Variants in XKRX observed in about 807,000 individuals in gnomAD.
The protein encoded by XKRX is XK related X-linked.
In XKRX, 11 loss-of-function variants were observed where a neutral mutation model predicts 22.4. That is an observed-to-expected ratio of 0.49 (90% CI 0.31 to 0.81). XKRX has a LOEUF of 0.81. Ranked by LOEUF, XKRX falls within the 40% of genes least tolerant of loss-of-function variation. The pLI is 0.05. For missense variants in XKRX, 320 were observed against 336.5 expected, an observed-to-expected ratio of 0.95 and a Z score of 0.38; for synonymous variants, 114 against 132.2, an observed-to-expected ratio of 0.86 and a Z score of 0.94.
downstream of XKRX, among the ~76,000 whole-genome samples, chrX:100,909,159 A>G (rs1320695183): frequency 8.9e-6 from 1 of 111,863 alleles, no homozygotes; most frequent in Non-Finnish European, 1.9e-5. Flanking sequence ...AGCATACAGG[A>G]GTTAATGTCC....
the XKRX span, among the ~76,000 whole-genome samples, chrX:100,890,659 C>T: frequency 9.0e-6 from 1 of 110,557 alleles, no homozygotes; most frequent in East Asian, 2.8e-4. Context: ...TTACAAATTA[C>T]CCCCAACATG....
intron 2 of XKRX, among the ~76,000 whole-genome samples, chrX:100,915,949 C>T (rs1437156799): frequency 9.1e-6 from 1 of 110,389 alleles, no homozygotes; most frequent in Non-Finnish European, 1.9e-5. Context: ...GGATTTTGAT[C>T]AAAGGCTACA....
At chrX:100,938,718 C>A in the XKRX span, among the ~76,000 whole-genome samples, 3 of 111,941 alleles carry the variant, frequency 2.7e-5, no homozygotes, top group Admixed American at 1.9e-4. Flanking sequence ...TCTCTAAGAT[C>A]TCTTCTAGCT....
chrX:100,909,902 C>CAAAAAAAAA, downstream of XKRX, among the ~76,000 whole-genome samples: 1 of 34,550 alleles, frequency 2.9e-5, no homozygotes, highest in Non-Finnish European at 5.5e-5. Context: ...GACTCCATCT[C>CAAAAAAAAA]AAAAAAAAAA....
At chrX:100,944,723 G>A in the XKRX span, among the ~76,000 whole-genome samples, 4 of 112,070 alleles carry the variant, frequency 3.6e-5, no homozygotes, top group Non-Finnish European at 7.5e-5. Context: ...CATGAATTTG[G>A]GAATTTCTAA....
chrX:100,896,422 T>C, the XKRX span, among the ~76,000 whole-genome samples: 34 of 112,098 alleles, frequency 3.0e-4, no homozygotes, highest in African/African-American at 8.4e-4. Context: ...ATGTATGAAG[T>C]GAAAAAAATC....
At chrX:100,907,626 A>G in the XKRX span, among the ~76,000 whole-genome samples, 1 of 111,917 alleles carries the variant, frequency 8.9e-6, no homozygotes, top group African/African-American at 3.2e-5. Flanking sequence ...AATTTAAGTT[A>G]CCAGTTTTTC....
At chrX:100,897,452 G>T in the XKRX span, among the ~76,000 whole-genome samples, 1 of 107,304 alleles carries the variant, frequency 9.3e-6, no homozygotes, top group South Asian at 4.2e-4. Context: ...GGGTATAGTA[G>T]CATATGCCTG....
upstream of XKRX, chrX:100,929,466 T>G (rs2147945329): frequency 9.0e-6 from 1 of 111,291 alleles, no homozygotes; most frequent in East Asian, 2.8e-4. Context: ...CCCCCACTTC[T>G]ACCCCGCCCT....
At chrX:100,930,325 A>G (rs6620956), upstream of XKRX, among the ~76,000 whole-genome samples, 40,816 of 102,867 alleles carry the variant, frequency 0.4, 6,177 homozygotes, top group East Asian at 0.66. Flanking sequence ...TAATAATAAT[A>G]ATGATGATTA....
chrX:100,928,922 G>A, upstream of XKRX: 3 of 676,514 alleles, frequency 4.4e-6, no homozygotes, highest in Non-Finnish European at 5.3e-6. Flanking sequence ...CCTTTGCCGA[G>A]TCCAGGGTTC....
chrX:100,891,788 AAAGAAAGAAAGT>A, the XKRX span, among the ~76,000 whole-genome samples: 12 of 107,340 alleles, frequency 1.1e-4, no homozygotes, highest in African/African-American at 2.4e-4. Flanking sequence ...AGAAAGAAAG[AAAGAAAGAAAGT>A]AAGTTAAAAA....
the XKRX span, among the ~76,000 whole-genome samples, chrX:100,907,677 A>G: frequency 9.0e-6 from 1 of 111,510 alleles, no homozygotes; most frequent in Non-Finnish European, 1.9e-5. Context: ...CCTATGCATA[A>G]CTCTTCGTGT....
At chrX:100,901,836 C>G in the XKRX span, among the ~76,000 whole-genome samples, 3 of 110,235 alleles carry the variant, frequency 2.7e-5, no homozygotes, top group Non-Finnish European at 3.8e-5. Flanking sequence ...CCTGTCTCTA[C>G]CAAAAATACA....
chrX:100,930,548 C>G (rs2085518171), upstream of XKRX, among the ~76,000 whole-genome samples: 1 of 111,226 alleles, frequency 9.0e-6, no homozygotes, highest in East Asian at 2.8e-4. Context: ...TTGTCACCTT[C>G]TGAAGCAGAC....
At chrX:100,902,782 G>A in the XKRX span, among the ~76,000 whole-genome samples, 3 of 108,705 alleles carry the variant, frequency 2.8e-5, no homozygotes, top group East Asian at 2.9e-4. Flanking sequence ...ATGGAGTCTC[G>A]CTCTGTCACC....
At chrX:100,956,808 T>C in the XKRX span, 1 of 592,998 alleles carries the variant, frequency 1.7e-6, no homozygotes, top group East Asian at 3.2e-5. Context: ...TTTGTATTCA[T>C]CAAGACAAGA....
At chrX:100,951,442 G>C in the XKRX span, among the ~76,000 whole-genome samples, 1 of 75,039 alleles carries the variant, frequency 1.3e-5, no homozygotes, top group East Asian at 5.4e-4. Flanking sequence ...AGAATCCCCC[G>C]GGGGTGGGGG....
chrX:100,891,759 G>GAAA, the XKRX span, among the ~76,000 whole-genome samples: 3 of 68,330 alleles, frequency 4.4e-5, no homozygotes, highest in South Asian at 2.0e-3. Flanking sequence ...AAAGAAGAAA[G>GAAA]AAGAAAAGAA....
Sources: allele counts gnomAD v4.1 joint callset (sites outside exome capture counted in the v4.1 genomes callset), GRCh38; gene constraint gnomAD v4.1.1; transcripts MANE v1.5; gene names NCBI Gene and HGNC (gene_info 2026-07-23, HGNC 2026-07-21).